Variants in DNASE1 observed in about 807,000 individuals in gnomAD.
DNASE1 encodes deoxyribonuclease 1.
DNASE1 carries 40 observed loss-of-function variants against 33.9 expected under a neutral mutation model. The ratio of observed to expected loss-of-function variants is 1.18; its 90% CI spans 0.92 to 1.54. The LOEUF is 1.54. DNASE1 is among the 40% of genes most tolerant of loss of function. The pLI is 0.00. For synonymous variants in DNASE1, 216 were observed against 160.0 expected (o/e 1.35, Z -2.64); for missense variants, 518 against 372.6 (o/e 1.39, Z -3.21).
intron 1 of DNASE1, among the ~76,000 whole-genome samples, chr16:3,631,046 A>G (rs1165232217): frequency 6.6e-6 from 1 of 151,898 alleles, no homozygotes; most frequent in East Asian, 1.9e-4. Flanking sequence ...TTTTTTAGAG[A>G]TGGAGTTTTG....
downstream of DNASE1, chr16:3,662,007 G>C: frequency 6.2e-7 from 1 of 1,609,828 alleles, no homozygotes; most frequent in Non-Finnish European, 8.5e-7. Flanking sequence ...TCTCCAGCGT[G>C]GGCTGCAGGA....
At chr16:3,658,257 A>G (rs2042836316), downstream of DNASE1, 1 of 1,551,732 alleles carries the variant, frequency 6.4e-7, no homozygotes, top group African/African-American at 1.4e-5. Flanking sequence ...GAAACCCATT[A>G]TGAGGGGCAT....
At chr16:3,656,285 C>A in intron 4 of DNASE1, 100 bp downstream of exon 4, 1 of 1,294,366 alleles carries the variant, frequency 7.7e-7, no homozygotes, top group Non-Finnish European at 1.1e-6. Flanking sequence ...ATGGCAAGAA[C>A]CTGAGGCTTC....
At chr16:3,664,140 T>C in exon 10 of DNASE1, 1 of 931,944 alleles carries the variant, frequency 1.1e-6, no homozygotes, top group Non-Finnish European at 1.5e-6. Flanking sequence ...GTCCGGCCTC[T>C]GTGCCCGTGA....
downstream of DNASE1, chr16:3,661,700 AG>A (rs754665678): frequency 8.4e-6 from 3 of 359,216 alleles, no homozygotes; most frequent in African/African-American, 4.2e-5. Flanking sequence ...GGCAAAACTG[AG>A]CATGTCCAGG....
At position 3,613,346 on chromosome 16, in the gene DNASE1, C is replaced by G. The variant is rs373462092; in HGVS notation, c.-1359+1340C>G. Among the ~76,000 whole-genome samples, 35 of 152,222 alleles carry G rather than the reference C, an allele frequency of 2.3e-4. No homozygotes were observed. The East Asian group carries it at 6.6e-3, about 29-fold the overall frequency. ...TGCATAATCACGTGTTTGGATGGAC[C>G]ATGTTTTGTTTATCCATGTATCAGG... On this transcript the variant is annotated intron_variant and NMD_transcript_variant, in intron 1 of 11. Transcript: ENST00000570769.
At chr16:3,652,811 G>A (rs955615844), upstream of DNASE1, 2 of 152,382 alleles carry the variant, frequency 1.3e-5, no homozygotes, top group African/African-American at 4.8e-5. Context: ...GGCCCCTGCT[G>A]ACTCTTGCCG....
intron 4 of DNASE1, among the ~76,000 whole-genome samples, 190 bp downstream of exon 4, chr16:3,656,375 TC>T: frequency 1.3e-5 from 2 of 149,002 alleles, no homozygotes; most frequent in African/African-American, 2.5e-5. Context: ...TCCCCCGCCC[TC>T]CTGTCGCCTG....
chr16:3,655,642 A>C, intron 2 of DNASE1, 122 bp downstream of exon 2: 9 of 1,501,726 alleles, frequency 6.0e-6, no homozygotes, highest in Non-Finnish European at 6.4e-6. Context: ...CACTGCTCCC[A>C]GCACGGTGGA....
intron 1 of DNASE1, among the ~76,000 whole-genome samples, chr16:3,617,750 A>G (rs1169932996): frequency 6.6e-6 from 1 of 152,162 alleles, no homozygotes; most frequent in Non-Finnish European, 1.5e-5. Flanking sequence ...GTTTGAGACC[A>G]GCCTGGGCAG....
At chr16:3,643,095 G>A (rs2042070532) in intron 1 of DNASE1, 2 of 153,502 alleles carry the variant, frequency 1.3e-5, no homozygotes, top group East Asian at 1.9e-4. Flanking sequence ...GGCTGGGCGG[G>A]ATGCTGAGAA....
At chr16:3,631,407 A>G (rs899832475) in intron 1 of DNASE1, among the ~76,000 whole-genome samples, 5 of 151,976 alleles carry the variant, frequency 3.3e-5, no homozygotes, top group Admixed American at 3.3e-4. Flanking sequence ...GTTTCACCAT[A>G]TTGGTCAGGC....
intron 1 of DNASE1, among the ~76,000 whole-genome samples, chr16:3,614,368 A>G (rs1205367372): frequency 6.6e-6 from 1 of 152,152 alleles, no homozygotes; most frequent in Non-Finnish European, 1.5e-5. Context: ...TAATTTACTT[A>G]CATTTCTCAA....
intron 1 of DNASE1, among the ~76,000 whole-genome samples, chr16:3,637,323 G>T (rs1424333268): frequency 1.3e-5 from 2 of 152,258 alleles, no homozygotes; most frequent in African/African-American, 2.4e-5. Flanking sequence ...AGATATGCAG[G>T]TTTTTCCGTT....
At chr16:3,632,749 G>A (rs2041738803) in intron 1 of DNASE1, among the ~76,000 whole-genome samples, 1 of 151,806 alleles carries the variant, frequency 6.6e-6, no homozygotes. Flanking sequence ...CCATGCCTGG[G>A]TAATTTTTGT....
rs781516300 is a variant in DNASE1 at position 3,657,165 on chromosome 16, C to A, written c.550-22C>A. On this transcript the variant is annotated intron_variant, in intron 6 of 8. Transcript: ENST00000246949. ...CAGCGGCCTCCGCATGTCCCAGGGC[C>A]ACAGGCAGCGTTTCCTGGTAGGACG... is the stretch of plus-strand genomic sequence containing the variant. The A allele has an allele frequency of 9.9e-6, 16 of 1,614,102 alleles. No homozygotes were observed. In the Admixed American group the frequency reaches 2.5e-4, roughly 25 times the overall value.
intron 7 of DNASE1, 146 bp from the exon 8 acceptor site, chr16:3,657,574 T>G: frequency 8.0e-7 from 1 of 1,246,636 alleles, no homozygotes; most frequent in South Asian, 1.3e-5. Flanking sequence ...GTTTCCACAT[T>G]GAGGGGCACA....
chr16:3,645,008 T>C (rs1462277793), intron 1 of DNASE1, among the ~76,000 whole-genome samples: 1 of 151,704 alleles, frequency 6.6e-6, no homozygotes, highest in Non-Finnish European at 1.5e-5. Context: ...CGCATGCCTG[T>C]GGTCGGTCCC....
At chr16:3,636,448 A>C (rs996328295) in intron 1 of DNASE1, among the ~76,000 whole-genome samples, 1 of 152,178 alleles carries the variant, frequency 6.6e-6, no homozygotes, top group African/African-American at 2.4e-5. Context: ...TGCTTGCTAT[A>C]TCTCTTCAAA....
Sources: allele counts gnomAD v4.1 joint callset (sites outside exome capture counted in the v4.1 genomes callset), GRCh38; gene constraint gnomAD v4.1.1; transcripts MANE v1.5; gene names NCBI Gene and HGNC (gene_info 2026-07-23, HGNC 2026-07-21).